SNRNP200: variants seen among roughly 807,000 people sequenced by gnomAD.
SNRNP200 encodes the protein small nuclear ribonucleoprotein U5 subunit 200.
Under a neutral mutation model 255.2 loss-of-function variants are expected in SNRNP200, and 66 were observed. The observed-to-expected ratio is 0.26, with a 90% CI of 0.21 to 0.32. The LOEUF is 0.32. SNRNP200 is among the 10% of genes least tolerant of loss of function. The pLI, the probability that SNRNP200 is intolerant of heterozygous loss-of-function variation, is 1.00. For synonymous variants in SNRNP200, 939 were observed against 1,027.8 expected (o/e 0.91, Z 1.65); for missense variants, 1,585 against 2,749.8 (o/e 0.58, Z 9.47).
intron 3 of SNRNP200, among the ~76,000 whole-genome samples, chr2:96,302,488 A>C (rs2063959359): frequency 6.6e-6 from 1 of 152,210 alleles, no homozygotes; most frequent in Non-Finnish European, 1.5e-5. Flanking sequence ...TTAACACAGA[A>C]GGCTTCTGTG....
chr2:96,299,306 G>C (rs770681329), intron 6 of SNRNP200, 23 bp downstream of exon 6: 4 of 1,603,328 alleles, frequency 2.5e-6, no homozygotes, highest in Non-Finnish European at 2.6e-6. Flanking sequence ...TTGTAGCAAT[G>C]AGGAAGAGCA....
rs547311111 is a variant in SNRNP200 at position 96,283,011 on chromosome 2, G to T, written c.4915+190C>A. Reference sequence around the variant, plus strand: ...CCTGTTTTCTCACCTGGCAAGTAGGGATAGTGTTTGTCTCACCTGCCTCAC... The same window carrying T: ...CCTGTTTTCTCACCTGGCAAGTAGGTATAGTGTTTGTCTCACCTGCCTCAC... On this transcript the variant is annotated intron_variant, in intron 34 of 44. Coordinates refer to ENST00000323853, the MANE Select transcript of SNRNP200 (RefSeq NM_014014.5). The surrounding 1 kb of genome is among the most constrained non-coding windows in gnomAD (Gnocchi z 4.7). 3 of 706,258 alleles carry T rather than the reference G, an allele frequency of 4.2e-6. No homozygotes were observed. Among genetic ancestry groups the T allele is most frequent in the Non-Finnish European group, 7.4e-6 (3 of 405,958 alleles). 43.7% of individuals were successfully genotyped at this position (706,258 alleles called of 1,614,324 possible).
intron 14 of SNRNP200, among the ~76,000 whole-genome samples, chr2:96,294,263 C>T (rs1396491452): frequency 6.6e-6 from 1 of 151,980 alleles, no homozygotes; most frequent in Admixed American, 6.6e-5. Flanking sequence ...TTGGTGAAAC[C>T]CCATTTCTAC....
intron 21 of SNRNP200, among the ~76,000 whole-genome samples, 189 bp from the exon 22 acceptor site, chr2:96,289,568 C>A (rs911046733): frequency 6.6e-6 from 1 of 152,060 alleles, no homozygotes; most frequent in African/African-American, 2.4e-5. Context: ...GGCCCAGGCA[C>A]ATGAAGAAAA....
At position 96,289,895 on chromosome 2, in the gene SNRNP200, C is replaced by T. The variant is rs1230994094; in HGVS notation, c.2844G>A (p.Leu948=). ...ISHDDLKGDP[L]LDQRRLDLVH... Reference sequence around the variant, plus strand: ...CCAGATCTAGTCGGCGCTGGTCCAGCAGGGGATCTCCCTTGAGGTCATCAT... The same window carrying T: ...CCAGATCTAGTCGGCGCTGGTCCAGTAGGGGATCTCCCTTGAGGTCATCAT... Residue 948 remains leucine, a synonymous_variant, in exon 21 of 45, where the codon CTG becomes CTA. Coordinates refer to ENST00000323853, the MANE Select transcript of SNRNP200 (RefSeq NM_014014.5). The T allele has an allele frequency of 6.2e-7, 1 of 1,614,160 alleles. No homozygotes were observed. Among genetic ancestry groups the T allele is most frequent in the Admixed American group, 1.7e-5 (1 of 60,028 alleles).
At chr2:96,279,294 A>G in intron 36 of SNRNP200, 157 bp downstream of exon 36, 1 of 707,354 alleles carries the variant, frequency 1.4e-6, no homozygotes, top group Non-Finnish European at 2.5e-6. Context: ...AGGCAGCAAA[A>G]TTCCATGTGG....
Position 96,278,811 on chromosome 2 carries a change from T to C in SNRNP200, c.5321A>G (p.Gln1774Arg), listed in dbSNP as rs1684713669. 1 of 1,614,074 alleles carries C rather than the reference T, an allele frequency of 6.2e-7. No homozygotes were observed. Among genetic ancestry groups the C allele is most frequent in the African/African-American group, 1.3e-5 (1 of 74,922 alleles). The change falls in exon 37 of 45, where the codon CAG (glutamine) becomes CGG (arginine). Residue 1774 changes from glutamine (Q) to arginine (R), a missense_variant and splice_region_variant. By Grantham distance (43) the Gln-to-Arg change is conservative. This residue lies in a region of SNRNP200 where 279 missense variants were observed against 551.2 expected (regional missense o/e 0.51). Coordinates refer to ENST00000323853, the MANE Select transcript of SNRNP200 (RefSeq NM_014014.5). The surrounding 1 kb of genome is among the most constrained non-coding windows in gnomAD (Gnocchi z 6.9). ...MTQNPNYYNL[Q>R]GISHRHLSDH... ...CGTGTGCTCCCAAGCCCACTGACCC[T>C]GCAGGTTGTAGTAATTGGGGTTCTG...
chr2:96,282,144 C>T, intron 34 of SNRNP200: 1 of 525,442 alleles, frequency 1.9e-6, no homozygotes, highest in Non-Finnish European at 3.5e-6. Context: ...GAAAACAAGT[C>T]ATCATAGAAC....
intron 5 of SNRNP200, among the ~76,000 whole-genome samples, chr2:96,300,487 G>A (rs1179684907): frequency 3.3e-5 from 5 of 152,068 alleles, no homozygotes; most frequent in Admixed American, 6.6e-5. Flanking sequence ...GTGGCCGGGC[G>A]CAGTGGCTCA....
chr2:96,287,117 T>C lies in SNRNP200; in HGVS notation c.3528A>G (p.Lys1176=). 6.2e-7 allele frequency: 1 copy of C among 1,614,130 alleles called. No homozygotes were observed. The highest frequency in any genetic ancestry group is 2.2e-5 in the East Asian group (1 of 44,876). ...CCAACTTGGGAAACAGATGGACATA[T>C]TTGTGGATGGTCTTCCCCATCTTTG... ...RMPKMGKTIH[K]YVHLFPKLEL... The change falls in exon 27 of 45, where the codon AAA becomes AAG. Residue 1176 remains lysine, a synonymous_variant. Transcript: ENST00000323853. This position sits in a 1 kb window ranked among gnomAD's most constrained non-coding sequence, Gnocchi z 5.7.
In SNRNP200 at chr2:96,301,751, C is replaced by T. The variant is rs750850057; in HGVS notation, c.382-35G>A. 25 of 1,611,596 alleles carry T rather than the reference C, an allele frequency of 1.6e-5. No homozygotes were observed. The African/African-American group carries it at 1.7e-4, about 11-fold the overall frequency. ...AGAAACAACCAACCAATATTGAGAA[C>T]GACGACAGGCAAAACATCTTCAACC... On this transcript the variant is annotated intron_variant, in intron 3 of 44. Transcript: ENST00000323853.
rs2063885465 is a variant in SNRNP200, at chr2:96,291,741, CCCT to C, written c.2310+7_2310+9del. ...GTAGGAATGAGAGAACCCAGCTGGC[CCCT>C]CCTCACCTTGCACTGCTCAGCTTCT... On this transcript the variant is annotated splice_region_variant and intron_variant, in intron 17 of 44. Coordinates refer to ENST00000323853, the MANE Select transcript of SNRNP200 (RefSeq NM_014014.5). This position sits in a 1 kb window ranked among gnomAD's most constrained non-coding sequence, Gnocchi z 4.2. 1 of 1,613,962 alleles carries C rather than the reference CCCT, an allele frequency of 6.2e-7. No individual in the cohort carries two copies. Among genetic ancestry groups the C allele is most frequent in the East Asian group, 2.2e-5 (1 of 44,884 alleles).
At chr2:96,295,837 A>C (rs954310522) in intron 13 of SNRNP200, among the ~76,000 whole-genome samples, 179 bp from the exon 14 acceptor site, 5 of 152,126 alleles carry the variant, frequency 3.3e-5, no homozygotes, top group Non-Finnish European at 7.4e-5. Context: ...TAACTCAGGC[A>C]AATAAAGCAG....
chr2:96,279,085 C>T, intron 36 of SNRNP200, 87 bp from the exon 37 acceptor site: 2 of 1,112,358 alleles, frequency 1.8e-6, no homozygotes, highest in East Asian at 2.4e-5. Context: ...AGGGCATGGT[C>T]CCTGTGTGAG....
intron 14 of SNRNP200, 118 bp downstream of exon 14, chr2:96,295,370 A>T: frequency 6.8e-7 from 1 of 1,471,096 alleles, no homozygotes; most frequent in Non-Finnish European, 9.5e-7. Context: ...TTGGAGGACT[A>T]GTCATTACAA....
chr2:96,281,911 C>G lies in SNRNP200; in HGVS notation c.4927G>C (p.Val1643Leu). ...CAGAGACTCCGAGAAGCCACCACCA[C>G]CTGGATAGCCCCTGAGCAGTAGAGG... ...EQLFSSGAIQ[V>L]VVASRSLCWG... is the part of the protein sequence containing the mutation. Residue 1643 changes from valine (V) to leucine (L), a missense_variant, in exon 35 of 45, where the codon GTG becomes CTG. This residue lies in a region of SNRNP200 where 719 missense variants were observed against 1,091.1 expected (regional missense o/e 0.66). Coordinates refer to ENST00000323853, the MANE Select transcript of SNRNP200 (RefSeq NM_014014.5). 1 of 1,614,030 alleles carries G rather than the reference C, an allele frequency of 6.2e-7. No homozygotes were observed. The highest frequency in any genetic ancestry group is 8.5e-7 in the Non-Finnish European group (1 of 1,179,956).
At chr2:96,275,428 A>T (rs1318521152) in intron 43 of SNRNP200, 79 bp from the exon 44 acceptor site, 1 of 1,216,430 alleles carries the variant, frequency 8.2e-7, no homozygotes, top group African/African-American at 1.5e-5. Context: ...TACAGTTACA[A>T]AAGAGAGAAC....
chr2:96,280,429 C>CAG (rs1350145999), intron 35 of SNRNP200, among the ~76,000 whole-genome samples: 1 of 151,966 alleles, frequency 6.6e-6, no homozygotes, highest in African/African-American at 2.4e-5. Context: ...GCCTGGCAGG[C>CAG]AGAGGCTGTA....
intron 2 of SNRNP200, 119 bp from the exon 3 acceptor site, chr2:96,303,449 T>C: frequency 8.6e-7 from 1 of 1,168,338 alleles, no homozygotes; most frequent in Non-Finnish European, 1.3e-6. Context: ...TGAAAACAGG[T>C]ATCTGAGCCT....
Sources: allele counts gnomAD v4.1 joint callset (sites outside exome capture counted in the v4.1 genomes callset), GRCh38; gene constraint gnomAD v4.1.1; regional missense constraint gnomAD v4.1.1; non-coding constraint Gnocchi (gnomAD v3.1); transcripts MANE v1.5; gene names NCBI Gene and HGNC (gene_info 2026-07-23, HGNC 2026-07-21).